CYTH3: variants seen among roughly 807,000 people sequenced by gnomAD.
The protein encoded by CYTH3 is cytohesin-3.
A neutral mutation model predicts 55.1 loss-of-function variants in CYTH3; 23 were observed. The observed-to-expected ratio is 0.42, with a 90% confidence interval of 0.30 to 0.59. The LOEUF is 0.59. Among genes scored for constraint, CYTH3 ranks in the 20% least tolerant of loss-of-function variants. CYTH3 has a pLI of 0.20. For synonymous variants in CYTH3, 249 were observed against 194.9 expected (o/e 1.28, Z -2.31); for missense variants, 413 against 524.8 (o/e 0.79, Z 2.08).
At chr7:6,198,192 AG>A (rs1207454133) in intron 1 of CYTH3, among the ~76,000 whole-genome samples, 1 of 152,198 alleles carries the variant, frequency 6.6e-6, no homozygotes, top group Non-Finnish European at 1.5e-5. Context: ...AAGCATTACT[AG>A]GAAGTAACAG....
Position 6,167,460 on chromosome 7 carries a change from C to A in CYTH3, c.824-1650G>T, listed in dbSNP as rs1019703498. On this transcript the variant is annotated intron_variant, in intron 9 of 12. Coordinates refer to ENST00000350796, the MANE Select transcript of CYTH3 (RefSeq NM_004227.4). This position sits in a 1 kb window ranked among gnomAD's most constrained non-coding sequence, Gnocchi z 5.5. ...ACTACCCTGACATCCGTCACTGTCA[C>A]GGTCGCCTCTGCTTCCCTCCAGAGA... Among the ~76,000 whole-genome samples the A allele has an allele frequency of 1.3e-4, 20 of 152,268 alleles. No individual in the cohort carries two copies. Among genetic ancestry groups the A allele is most frequent in the African/African-American group, 4.3e-4 (18 of 41,474 alleles).
chr7:6,161,847 C>G lies in CYTH3; in HGVS notation c.*3097G>C, dbSNP rs370434357. On this transcript the variant is annotated 3_prime_UTR_variant, in exon 13 of 13. Coordinates refer to ENST00000350796, the MANE Select transcript of CYTH3 (RefSeq NM_004227.4). ...GCAAGAGCTCTGACAGCCATCCACC[C>G]TCCAATCTTACTTCACTTTACAACC... 3.1e-4 allele frequency: 47 copies of G among 152,714 alleles called. No homozygotes were observed. The highest frequency in any genetic ancestry group is 6.8e-3 in the Middle Eastern group (2 of 294). The allele number at this position is 152,714 out of a possible 1,614,324, so 9.5% of individuals were successfully genotyped here. A position where few individuals can be genotyped will look rare whatever the true frequency, so the allele number is the denominator to read the frequency against.
In CYTH3 at chr7:6,169,583, CAGAA is replaced by C. The variant is rs911420858; in HGVS notation, c.823+948_823+951del. Among the ~76,000 whole-genome samples the C allele has an allele frequency of 2.6e-5, 4 of 152,194 alleles. No homozygotes were observed. The highest frequency in any genetic ancestry group is 9.7e-5 in the African/African-American group (4 of 41,444). On this transcript the variant is annotated intron_variant, in intron 9 of 12. Coordinates refer to ENST00000350796, the MANE Select transcript of CYTH3 (RefSeq NM_004227.4). This position sits in a 1 kb window ranked among gnomAD's most constrained non-coding sequence, Gnocchi z 4.1. ...GTGCTGCCCAGCGGCCGCCTGCTCT[CAGAA>C]AGGCTTGCGTGAACCCAGCTACCGC...
chr7:6,179,721 CCACA>C (rs1328242628), intron 4 of CYTH3, among the ~76,000 whole-genome samples: 18 of 114,160 alleles, frequency 1.6e-4, no homozygotes, highest in Non-Finnish European at 2.7e-4. Context: ...ACCCCACACA[CCACA>C]CACACACACC....
At chr7:6,208,775 C>T (rs1284018527) in intron 1 of CYTH3, among the ~76,000 whole-genome samples, 1 of 152,214 alleles carries the variant, frequency 6.6e-6, no homozygotes, top group Non-Finnish European at 1.5e-5. Flanking sequence ...GATCCTCCCT[C>T]CTCAGCCTCC....
In CYTH3 at chr7:6,230,320, G is replaced by C. The variant is rs553522746; in HGVS notation, c.35-39789C>G. ...TGCCTCAGCTGGAAACTTACAAGGA[G>C]TATATCTCCATAAAGCAGAGTCTCA... On this transcript the variant is annotated intron_variant, in intron 1 of 12. Coordinates refer to ENST00000350796, the MANE Select transcript of CYTH3 (RefSeq NM_004227.4). Among the ~76,000 whole-genome samples, 3 of 152,220 alleles carry C rather than the reference G, an allele frequency of 2.0e-5. No homozygotes were observed. The South Asian group carries it at 6.2e-4, about 32-fold the overall frequency.
At chr7:6,221,964 A>T (rs1246001079) in intron 1 of CYTH3, among the ~76,000 whole-genome samples, 3 of 152,022 alleles carry the variant, frequency 2.0e-5, no homozygotes, top group Non-Finnish European at 4.4e-5. Context: ...AAACAAAAAC[A>T]AAAAAAACTA....
At chr7:6,179,867 CCCACACACACCACACACA>C (rs573069717) in intron 4 of CYTH3, among the ~76,000 whole-genome samples, 9 of 142,212 alleles carry the variant, frequency 6.3e-5, no homozygotes, top group Non-Finnish European at 1.4e-4. Context: ...ACCACACACA[CCCACACACACCACACACA>C]CCACACACAC....
At chr7:6,267,507 T>C (rs1043213187) in intron 1 of CYTH3, among the ~76,000 whole-genome samples, 1 of 152,198 alleles carries the variant, frequency 6.6e-6, no homozygotes, top group Non-Finnish European at 1.5e-5. Flanking sequence ...TATCACATTA[T>C]CTTTTTGTTG....
At chr7:6,180,042 A>G (rs899918567) in intron 4 of CYTH3, among the ~76,000 whole-genome samples, 7 of 152,276 alleles carry the variant, frequency 4.6e-5, no homozygotes, top group South Asian at 4.1e-4. Context: ...GGGCTTTGCT[A>G]TTGGCTCTAA....
chr7:6,266,017 T>C (rs1780482934), intron 1 of CYTH3, among the ~76,000 whole-genome samples: 1 of 152,152 alleles, frequency 6.6e-6, no homozygotes, highest in South Asian at 2.1e-4. Flanking sequence ...AGTGCTGGTT[T>C]CATTATTCTT....
intron 1 of CYTH3, among the ~76,000 whole-genome samples, chr7:6,233,963 G>C (rs1166499561): frequency 6.6e-6 from 1 of 152,118 alleles, no homozygotes; most frequent in Non-Finnish European, 1.5e-5. Context: ...GCAGCTGTCT[G>C]AGGCCTCTTG....
intron 1 of CYTH3, among the ~76,000 whole-genome samples, chr7:6,269,137 A>G (rs1261669180): frequency 2.0e-5 from 3 of 152,034 alleles, no homozygotes; most frequent in Non-Finnish European, 4.4e-5. Context: ...CCAGCTGACC[A>G]AGGGCCTGGG....
At position 6,272,478 on chromosome 7, in the gene CYTH3, ACCACCCTCGCCGCCG is replaced by A. The variant is rs1049823641; in HGVS notation, c.15_29del (p.Gly7_Gly11del). On this transcript the variant is annotated inframe_deletion, in exon 1 of 13. Coordinates refer to ENST00000350796, the MANE Select transcript of CYTH3 (RefSeq NM_004227.4). ...CACCACACCTCCGACACTCACCGCC[ACCACCCTCGCCGCCG>A]CCGTCTTCATCCATCTTGAGGCCAC... 5.3e-6 allele frequency: 7 copies of A among 1,316,030 alleles called. No homozygotes were observed. The East Asian group carries it at 1.2e-4, about 23-fold the overall frequency. The allele number at this position is 1,316,030 out of a possible 1,614,324, so 81.5% of individuals were successfully genotyped here.
rs1464470345 is a variant in CYTH3, at chr7:6,164,001, G to C, written c.*943C>G. ...ATGGACCATCTGTGTCCAGGGAAAA[G>C]GCTGTTTCCTAGGAGTTAGCAGTTA... On this transcript the variant is annotated 3_prime_UTR_variant, in exon 13 of 13. Coordinates refer to ENST00000350796, the MANE Select transcript of CYTH3 (RefSeq NM_004227.4). The C allele has an allele frequency of 3.9e-5, 6 of 152,190 alleles. No homozygotes were observed. Among genetic ancestry groups the C allele is most frequent in the South Asian group, 2.1e-4 (1 of 4,828 alleles). 9.4% of individuals were successfully genotyped at this position (152,190 alleles called of 1,614,324 possible). A position where few individuals can be genotyped will look rare whatever the true frequency, so the allele number is the denominator to read the frequency against.
chr7:6,231,040 C>T (rs1779380263), intron 1 of CYTH3, among the ~76,000 whole-genome samples: 1 of 152,170 alleles, frequency 6.6e-6, no homozygotes, highest in Non-Finnish European at 1.5e-5. Flanking sequence ...CCACTCGGCT[C>T]CCTGAGTTAC....
rs1179528855 is a variant in CYTH3 at position 6,163,874 on chromosome 7, G to A, written c.*1070C>T. ...CATTTTGCCACAGGTTTTAAATAGC[G>A]ATGAATATGGTCAAAAGCCGGTCTA... On this transcript the variant is annotated 3_prime_UTR_variant, in exon 13 of 13. Coordinates refer to ENST00000350796, the MANE Select transcript of CYTH3 (RefSeq NM_004227.4). 3.3e-5 allele frequency: 5 copies of A among 152,282 alleles called. No homozygotes were observed. The highest frequency in any genetic ancestry group is 4.8e-5 in the African/African-American group (2 of 41,554). 9.4% of individuals were successfully genotyped at this position (152,282 alleles called of 1,614,324 possible). A position where few individuals can be genotyped will look rare whatever the true frequency, so the allele number is the denominator to read the frequency against.
rs1406704065 is a variant in CYTH3, at chr7:6,163,008, T to C, written c.*1936A>G. 4 of 152,546 alleles carry C rather than the reference T, an allele frequency of 2.6e-5. No individual in the cohort carries two copies. The allele number at this position is 152,546 out of a possible 1,614,324, so 9.4% of individuals were successfully genotyped here. On this transcript the variant is annotated 3_prime_UTR_variant, in exon 13 of 13. Transcript: ENST00000350796. Reference sequence around the variant, plus strand: ...TTTCATGGAAGACTGGAGGCCAGAGTTGCATATCTACCAGTCAGGCATTTC... The same window carrying C: ...TTTCATGGAAGACTGGAGGCCAGAGCTGCATATCTACCAGTCAGGCATTTC...
rs548976539 is a variant in CYTH3 at position 6,194,515 on chromosome 7, C to CTG, written c.35-3986_35-3985dup. The stretch of plus-strand genomic sequence containing the variant: ...ACACATGCATTTCAATCTCACCAGA[C>CTG]TGTGACCTGTCATCGAGAGAACTTT... On this transcript the variant is annotated intron_variant, in intron 1 of 12. Transcript: ENST00000350796. Among the ~76,000 whole-genome samples the CTG allele has an allele frequency of 2.6e-5, 4 of 152,332 alleles. No individual in the cohort carries two copies. In the South Asian group the frequency reaches 8.3e-4, roughly 32 times the overall value.
Sources: allele counts gnomAD v4.1 joint callset (sites outside exome capture counted in the v4.1 genomes callset), GRCh38; gene constraint gnomAD v4.1.1; non-coding constraint Gnocchi (gnomAD v3.1); transcripts MANE v1.5; gene names NCBI Gene and HGNC (gene_info 2026-07-23, HGNC 2026-07-21).